VRK1: variants seen among roughly 807,000 people sequenced by gnomAD.
VRK1 encodes serine/threonine-protein kinase VRK1.
Under a neutral mutation model 57.1 loss-of-function variants are expected in VRK1, and 33 were observed. That is an observed-to-expected ratio of 0.58 (90% CI 0.44 to 0.77). The LOEUF (loss-of-function observed/expected upper bound fraction) is 0.77, where lower values mean the gene tolerates loss of function less well. VRK1 is among the 30% of genes least tolerant of loss of function. The pLI is 0.00. For missense variants in VRK1, 413 were observed against 477.3 expected, an observed-to-expected ratio of 0.87 and a Z score of 1.25; for synonymous variants, 137 against 147.8, an observed-to-expected ratio of 0.93 and a Z score of 0.53.
intron 1 of VRK1, among the ~76,000 whole-genome samples, chr14:96,815,940 T>C (rs1392616724): frequency 6.6e-6 from 1 of 151,984 alleles, no homozygotes; most frequent in Admixed American, 6.6e-5. Flanking sequence ...AGAAATAATA[T>C]TTTAGTGCCC....
intron 10 of VRK1, 78 bp from the exon 11 acceptor site, chr14:96,860,479 T>C: frequency 7.2e-7 from 1 of 1,394,082 alleles, no homozygotes; most frequent in South Asian, 1.3e-5. Context: ...CTAACTTTAC[T>C]ATAACCATGA....
At chr14:96,854,987 G>C (rs960466185) in intron 7 of VRK1, among the ~76,000 whole-genome samples, 1 of 152,092 alleles carries the variant, frequency 6.6e-6, no homozygotes, top group South Asian at 2.1e-4. Context: ...AGTATATAAA[G>C]TCAAGTGATT....
intron 11 of VRK1, among the ~76,000 whole-genome samples, chr14:96,872,148 C>G (rs1005874594): frequency 6.6e-6 from 1 of 152,164 alleles, no homozygotes; most frequent in African/African-American, 2.4e-5. Flanking sequence ...TTGTCTGTCT[C>G]TTTTCAAGTC....
intron 11 of VRK1, among the ~76,000 whole-genome samples, chr14:96,875,400 C>T (rs533240870): frequency 3.6e-4 from 55 of 152,240 alleles, no homozygotes; most frequent in Non-Finnish European, 7.2e-4. Flanking sequence ...TTGAGATTTT[C>T]GGAGAGCTTT....
intron 11 of VRK1, among the ~76,000 whole-genome samples, chr14:96,871,472 G>A (rs1022068073): frequency 2.0e-5 from 3 of 152,208 alleles, no homozygotes; most frequent in African/African-American, 4.8e-5. Flanking sequence ...GGACACTTAT[G>A]TAAGAACACT....
intron 1 of VRK1, among the ~76,000 whole-genome samples, chr14:96,824,741 C>A (rs1188340306): frequency 6.0e-5 from 9 of 151,198 alleles, no homozygotes; most frequent in African/African-American, 2.2e-4. Flanking sequence ...GCAAGCTCTG[C>A]CTCCTGGGTT....
intron 1 of VRK1, among the ~76,000 whole-genome samples, chr14:96,812,080 C>T (rs1886227120): frequency 6.6e-6 from 1 of 152,180 alleles, no homozygotes; most frequent in Admixed American, 6.5e-5. Flanking sequence ...AACGTGTGTT[C>T]AGGGTTCATC....
At chr14:96,854,501 G>A (rs1223168188) in intron 7 of VRK1, among the ~76,000 whole-genome samples, 9 of 152,130 alleles carry the variant, frequency 5.9e-5, no homozygotes, top group Non-Finnish European at 1.3e-4. Context: ...AATTAGAGAT[G>A]TAATGTGTGG....
chr14:96,856,987 A>T (rs1470570654), intron 10 of VRK1, among the ~76,000 whole-genome samples: 1 of 151,614 alleles, frequency 6.6e-6, no homozygotes, highest in Non-Finnish European at 1.5e-5. Flanking sequence ...AATATGTTAG[A>T]TGGTTTGTTA....
chr14:96,819,914 C>T (rs568518457), intron 1 of VRK1, among the ~76,000 whole-genome samples: 3 of 152,266 alleles, frequency 2.0e-5, no homozygotes, highest in Admixed American at 1.3e-4. Context: ...TTTCTGTTGA[C>T]GAATGCTGGC....
At chr14:96,858,100 C>T (rs900043253) in intron 10 of VRK1, among the ~76,000 whole-genome samples, 7 of 151,900 alleles carry the variant, frequency 4.6e-5, no homozygotes, top group Non-Finnish European at 1.0e-4. Flanking sequence ...GACAGGGTCT[C>T]ACTCTGTTGC....
chr14:96,847,339 A>G lies in VRK1; in HGVS notation c.369A>G (p.Gly123=). ...YWGSGLHDKN[G]KSYRFMIMDR... is the part of the protein sequence containing the mutation. ...GGTCTGGTCTACATGACAAAAATGGAAAAAGGTAAAAATATGTGTGATTTG... is the reference window on the plus strand; with the variant it reads ...GGTCTGGTCTACATGACAAAAATGGGAAAAGGTAAAAATATGTGTGATTTG... The change falls in exon 5 of 13, where the codon GGA becomes GGG. Residue 123 remains glycine (G), a synonymous_variant. Transcript: ENST00000216639. 6.2e-7 allele frequency: 1 copy of G among 1,611,568 alleles called. No individual in the cohort carries two copies. Among genetic ancestry groups the G allele is most frequent in the East Asian group, 2.2e-5 (1 of 44,796 alleles).
At chr14:96,833,183 T>C (rs1887075032) in intron 1 of VRK1, among the ~76,000 whole-genome samples, 2 of 152,216 alleles carry the variant, frequency 1.3e-5, no homozygotes, top group South Asian at 2.1e-4. Context: ...TTTGTTGTTA[T>C]TAAATAGCAT....
chr14:96,808,235 T>A (rs981481892), intron 1 of VRK1, among the ~76,000 whole-genome samples: 1 of 152,082 alleles, frequency 6.6e-6, no homozygotes, highest in Admixed American at 6.6e-5. Flanking sequence ...GGTAGATACT[T>A]GAATAAAAAA....
At chr14:96,860,471 A>C in intron 10 of VRK1, 86 bp from the exon 11 acceptor site, 1 of 1,336,778 alleles carries the variant, frequency 7.5e-7, no homozygotes, top group Non-Finnish European at 1.0e-6. Flanking sequence ...TTTGCATTCT[A>C]ACTTTACTAT....
intron 1 of VRK1, among the ~76,000 whole-genome samples, chr14:96,825,789 A>T (rs1031566457): frequency 6.6e-6 from 1 of 152,242 alleles, no homozygotes; most frequent in Non-Finnish European, 1.5e-5. Flanking sequence ...TCCTTGAATC[A>T]GAGTGTCTCT....
At chr14:96,823,368 G>T (rs1271727043) in intron 1 of VRK1, among the ~76,000 whole-genome samples, 5 of 152,154 alleles carry the variant, frequency 3.3e-5, no homozygotes, top group Admixed American at 6.5e-5. Flanking sequence ...AACAGACTAT[G>T]TCATTACCCT....
intron 1 of VRK1, among the ~76,000 whole-genome samples, chr14:96,807,742 A>C (rs769179454): frequency 6.6e-6 from 1 of 152,180 alleles, no homozygotes; most frequent in Non-Finnish European, 1.5e-5. Context: ...TTTGGGGTCC[A>C]ACCATGGGAG....
At chr14:96,798,413 A>G (rs1885527422) in intron 1 of VRK1, among the ~76,000 whole-genome samples, 1 of 152,148 alleles carries the variant, frequency 6.6e-6, no homozygotes, top group African/African-American at 2.4e-5. Flanking sequence ...CTTTCTTTCA[A>G]GTCACTCATT....
Sources: gnomAD v4.1 joint callset for allele counts (sites outside exome capture counted in the v4.1 genomes callset) on GRCh38, gnomAD v4.1.1 for gene constraint, MANE v1.5 for transcripts, NCBI Gene and HGNC (gene_info 2026-07-23, HGNC 2026-07-21) for gene names.